XYLT1: variants seen among roughly 807,000 people sequenced by gnomAD.
The protein encoded by XYLT1 is beta-D-xylosyltransferase 1.
Under a neutral mutation model 91.3 loss-of-function variants are expected in XYLT1, and 36 were observed. That is an observed-to-expected ratio of 0.39 (90% CI 0.30 to 0.52). The LOEUF is 0.52. XYLT1 is among the 20% of genes least tolerant of loss of function. The pLI, the probability that XYLT1 is intolerant of heterozygous loss-of-function variation, is 0.68. For synonymous variants in XYLT1, 588 were observed against 532.0 expected (o/e 1.11, Z -1.45); for missense variants, 1,242 against 1,284.5 (o/e 0.97, Z 0.51).
At chr16:17,461,489 T>C (rs2036821415) in intron 1 of XYLT1, among the ~76,000 whole-genome samples, 1 of 152,192 alleles carries the variant, frequency 6.6e-6, no homozygotes, top group Admixed American at 6.5e-5. Context: ...ACACAGGGAC[T>C]GGTACCTTCT....
At chr16:17,275,663 T>A (rs1422950815) in intron 2 of XYLT1, among the ~76,000 whole-genome samples, 1 of 152,182 alleles carries the variant, frequency 6.6e-6, no homozygotes, top group South Asian at 2.1e-4. Flanking sequence ...TGGTTTTATT[T>A]CCCTATACAC....
At chr16:17,422,470 A>T (rs1422152352) in intron 1 of XYLT1, among the ~76,000 whole-genome samples, 1 of 151,820 alleles carries the variant, frequency 6.6e-6, no homozygotes, top group Non-Finnish European at 1.5e-5. Context: ...AAGTGCTAGG[A>T]TTACAGGTAT....
intron 3 of XYLT1, among the ~76,000 whole-genome samples, chr16:17,211,837 C>T (rs1032208861): frequency 6.6e-6 from 1 of 152,210 alleles, no homozygotes; most frequent in Non-Finnish European, 1.5e-5. Flanking sequence ...CAAGATTTCT[C>T]AACCTTGGCA....
At chr16:17,149,028 A>G (rs2031213023) in intron 6 of XYLT1, among the ~76,000 whole-genome samples, 2 of 152,268 alleles carry the variant, frequency 1.3e-5, no homozygotes, top group Non-Finnish European at 2.9e-5. Context: ...AAAAAGTCAC[A>G]GCTAAATATG....
chr16:17,448,884 G>A (rs916159294), intron 1 of XYLT1, among the ~76,000 whole-genome samples: 1 of 152,088 alleles, frequency 6.6e-6, no homozygotes, highest in Non-Finnish European at 1.5e-5. Flanking sequence ...CCTTTGAAGT[G>A]GGTTCATCAT....
chr16:17,278,308 T>C (rs1406087711), intron 2 of XYLT1, among the ~76,000 whole-genome samples: 1 of 152,068 alleles, frequency 6.6e-6, no homozygotes, highest in Admixed American at 6.6e-5. Flanking sequence ...GCTCTTTCTG[T>C]GAAATTTGCA....
chr16:17,122,761 A>G (rs777376254), intron 10 of XYLT1, among the ~76,000 whole-genome samples: 25 of 152,182 alleles, frequency 1.6e-4, no homozygotes, highest in Non-Finnish European at 1.2e-4. Flanking sequence ...TGATTATTGT[A>G]TAAGGTGAGA....
chr16:17,278,307 G>A (rs1351117561), intron 2 of XYLT1, among the ~76,000 whole-genome samples: 1 of 152,194 alleles, frequency 6.6e-6, no homozygotes, highest in Non-Finnish European at 1.5e-5. Context: ...GGCTCTTTCT[G>A]TGAAATTTGC....
At chr16:17,351,961 T>A (rs2035227356) in intron 2 of XYLT1, among the ~76,000 whole-genome samples, 1 of 152,062 alleles carries the variant, frequency 6.6e-6, no homozygotes, top group South Asian at 2.1e-4. Flanking sequence ...CGGGGCAACA[T>A]AGCAAAATCC....
Position 17,108,620 on chromosome 16 carries a change from G to T in XYLT1, c.*75C>A. ...AGGGCCTCCCCCAGGGTGGGAGGCCGGGGTTCAGGCCCCACAACCCCTCTG... is the reference window on the plus strand; with the variant it reads ...AGGGCCTCCCCCAGGGTGGGAGGCCTGGGTTCAGGCCCCACAACCCCTCTG... On this transcript the variant is annotated 3_prime_UTR_variant, in exon 12 of 12. Coordinates refer to ENST00000261381, the MANE Select transcript of XYLT1 (RefSeq NM_022166.4). The T allele has an allele frequency of 7.1e-7, 1 of 1,415,108 alleles. No individual in the cohort carries two copies. The highest frequency in any genetic ancestry group is 1.5e-5 in the South Asian group (1 of 66,386). The allele number at this position is 1,415,108 out of a possible 1,614,324, so 87.7% of individuals were successfully genotyped here.
intron 10 of XYLT1, among the ~76,000 whole-genome samples, chr16:17,120,013 G>A (rs1320173019): frequency 6.6e-6 from 1 of 152,174 alleles, no homozygotes; most frequent in East Asian, 1.9e-4. Context: ...CATCCTGAGA[G>A]TAACAGAGGT....
chr16:17,407,995 C>A (rs908483391), intron 1 of XYLT1, among the ~76,000 whole-genome samples: 3 of 152,238 alleles, frequency 2.0e-5, no homozygotes, highest in Non-Finnish European at 4.4e-5. Context: ...CATGCCAACT[C>A]CCCTTCACCT....
At chr16:17,190,078 G>A (rs1476759173) in intron 5 of XYLT1, among the ~76,000 whole-genome samples, 1 of 152,074 alleles carries the variant, frequency 6.6e-6, no homozygotes, top group Non-Finnish European at 1.5e-5. Flanking sequence ...TCAAGAATAG[G>A]CAAATCAAGT....
chr16:17,446,938 C>T lies in XYLT1; in HGVS notation c.363+23496G>A, dbSNP rs375748418. Among the ~76,000 whole-genome samples, 4 of 152,012 alleles carry T rather than the reference C, an allele frequency of 2.6e-5. No homozygotes were observed. The East Asian group carries it at 7.7e-4, about 29-fold the overall frequency. ...AGACCCAGGGGAGCCCAAGAGGGAC[C>T]TCTGGACTCAAGGGAAGAGGACGCT... On this transcript the variant is annotated intron_variant, in intron 1 of 11. Coordinates refer to ENST00000261381, the MANE Select transcript of XYLT1 (RefSeq NM_022166.4).
chr16:17,258,713 C>T (rs1352439942), intron 3 of XYLT1, among the ~76,000 whole-genome samples: 3 of 152,224 alleles, frequency 2.0e-5, no homozygotes, highest in African/African-American at 7.2e-5. Flanking sequence ...GCCAGCATCA[C>T]ATCAGCTCCC....
chr16:17,356,110 C>T (rs973364560), intron 2 of XYLT1, among the ~76,000 whole-genome samples: 32 of 152,010 alleles, frequency 2.1e-4, no homozygotes, highest in African/African-American at 7.7e-4. Context: ...CAGTTGTAAA[C>T]CCCCCAACCA....
intron 2 of XYLT1, among the ~76,000 whole-genome samples, chr16:17,351,644 T>A (rs896223473): frequency 1.3e-5 from 2 of 152,044 alleles, no homozygotes; most frequent in Admixed American, 6.5e-5. Context: ...GAAGTTGCAA[T>A]TGTATGGCTG....
chr16:17,291,781 C>T (rs898816918), intron 2 of XYLT1, among the ~76,000 whole-genome samples: 5 of 152,078 alleles, frequency 3.3e-5, no homozygotes, highest in African/African-American at 1.2e-4. Context: ...TACAAAAATG[C>T]CATGTTCCAA....
intron 1 of XYLT1, among the ~76,000 whole-genome samples, chr16:17,425,761 C>T (rs1274662582): frequency 2.0e-5 from 3 of 152,124 alleles, no homozygotes; most frequent in Non-Finnish European, 4.4e-5. Context: ...CGTGCCTTGC[C>T]CAGGCTGTTC....
Sources: gnomAD v4.1 joint callset for allele counts (sites outside exome capture counted in the v4.1 genomes callset) on GRCh38, gnomAD v4.1.1 for gene constraint, MANE v1.5 for transcripts, NCBI Gene and HGNC (gene_info 2026-07-23, HGNC 2026-07-21) for gene names.